TLL1: variants seen among roughly 807,000 people sequenced by gnomAD.
TLL1 encodes the protein tolloid-like protein 1.
In TLL1, 49 loss-of-function variants were observed where a neutral mutation model predicts 128.2. The ratio of observed to expected loss-of-function variants is 0.38; its 90% CI spans 0.30 to 0.48. The LOEUF (loss-of-function observed/expected upper bound fraction) is 0.48, where lower values mean the gene tolerates loss of function less well. TLL1 is among the 20% of genes least tolerant of loss of function. The pLI is 0.96. For synonymous variants in TLL1, 454 were observed against 418.8 expected, an observed-to-expected ratio of 1.08 and a Z score of -1.03; for missense variants, 1,123 against 1,242.0, an observed-to-expected ratio of 0.90 and a Z score of 1.44.
chr4:165,923,129 C>A (rs927703705), intron 1 of TLL1, among the ~76,000 whole-genome samples: 2 of 152,194 alleles, frequency 1.3e-5, no homozygotes, highest in South Asian at 4.1e-4. Context: ...CCAGGAACTT[C>A]TGCACATAAA....
intron 9 of TLL1, among the ~76,000 whole-genome samples, chr4:166,033,353 CAA>C: frequency 6.9e-6 from 1 of 145,628 alleles, no homozygotes; most frequent in East Asian, 1.9e-4. Context: ...TAAGGCAAAT[CAA>C]AAGTTAGTGG....
At chr4:166,056,576 A>G (rs1180953390) in intron 13 of TLL1, among the ~76,000 whole-genome samples, 1 of 152,128 alleles carries the variant, frequency 6.6e-6, no homozygotes, top group Admixed American at 6.6e-5. Context: ...GTTCACCACA[A>G]TCTATTTCTT....
chr4:165,970,848 A>G (rs1370435089), intron 1 of TLL1, among the ~76,000 whole-genome samples: 2 of 152,124 alleles, frequency 1.3e-5, no homozygotes, highest in East Asian at 3.9e-4. Context: ...GCAACTAATA[A>G]ATTGAGTCTT....
At chr4:165,973,983 G>A (rs969033799) in intron 1 of TLL1, among the ~76,000 whole-genome samples, 1 of 151,272 alleles carries the variant, frequency 6.6e-6, no homozygotes, top group Non-Finnish European at 1.5e-5. Context: ...GTTCTTAATA[G>A]GATCAGAGAA....
intron 1 of TLL1, among the ~76,000 whole-genome samples, chr4:165,894,824 A>G (rs1172809944): frequency 6.7e-6 from 1 of 149,492 alleles, no homozygotes; most frequent in East Asian, 2.0e-4. Context: ...TAGGAATGCT[A>G]GATTTTGTCA....
chr4:165,891,322 C>T (rs1165143686), intron 1 of TLL1, among the ~76,000 whole-genome samples: 1 of 152,146 alleles, frequency 6.6e-6, no homozygotes, highest in Admixed American at 6.5e-5. Context: ...GGATGAATTT[C>T]TCCTCAGAAA....
intron 1 of TLL1, among the ~76,000 whole-genome samples, chr4:165,969,969 A>G (rs1735561234): frequency 6.6e-6 from 1 of 152,126 alleles, no homozygotes; most frequent in South Asian, 2.1e-4. Flanking sequence ...AGAAATTTGT[A>G]GTTCCTACAC....
intron 5 of TLL1, among the ~76,000 whole-genome samples, chr4:165,998,037 C>T (rs1415584015): frequency 6.6e-6 from 1 of 152,158 alleles, no homozygotes; most frequent in Non-Finnish European, 1.5e-5. Context: ...TTCTCAGCTA[C>T]TTATCCTTAT....
At chr4:166,001,902 C>T (rs1260198815) in intron 5 of TLL1, among the ~76,000 whole-genome samples, 1 of 151,834 alleles carries the variant, frequency 6.6e-6, no homozygotes, top group African/African-American at 2.4e-5. Flanking sequence ...TTTGACAGTC[C>T]AGGAGATTCT....
intron 1 of TLL1, among the ~76,000 whole-genome samples, chr4:165,885,873 C>T (rs2110820633): frequency 6.6e-6 from 1 of 152,224 alleles, no homozygotes; most frequent in Middle Eastern, 3.4e-3. Flanking sequence ...AAGTACATGA[C>T]ATGTTAACAG....
chr4:165,905,232 A>T (rs1249898536), intron 1 of TLL1, among the ~76,000 whole-genome samples: 1 of 152,256 alleles, frequency 6.6e-6, no homozygotes, highest in Non-Finnish European at 1.5e-5. Flanking sequence ...AAATGAAAGC[A>T]TATGTCCCTA....
intron 12 of TLL1, among the ~76,000 whole-genome samples, chr4:166,046,699 G>T (rs1739472107): frequency 6.6e-6 from 1 of 152,146 alleles, no homozygotes; most frequent in African/African-American, 2.4e-5. Context: ...CATGTATGGT[G>T]TATATATAGG....
At chr4:165,902,949 A>G (rs909852056) in intron 1 of TLL1, among the ~76,000 whole-genome samples, 3 of 152,238 alleles carry the variant, frequency 2.0e-5, no homozygotes, top group African/African-American at 7.2e-5. Flanking sequence ...TTAAGATACC[A>G]ACAACACTGT....
intron 1 of TLL1, among the ~76,000 whole-genome samples, chr4:165,943,695 A>G (rs1055624824): frequency 7.9e-5 from 12 of 152,074 alleles, no homozygotes; most frequent in African/African-American, 2.9e-4. Context: ...TACTGACCTC[A>G]TCACTTAAAG....
chr4:165,953,460 A>T (rs1734624246), intron 1 of TLL1, among the ~76,000 whole-genome samples: 1 of 151,448 alleles, frequency 6.6e-6, no homozygotes, highest in South Asian at 2.1e-4. Context: ...CTCTTGACGG[A>T]GCATCTATTT....
chr4:165,991,891 G>T (rs781514940), intron 2 of TLL1, among the ~76,000 whole-genome samples: 3 of 151,910 alleles, frequency 2.0e-5, no homozygotes, highest in Non-Finnish European at 4.4e-5. Context: ...TGTATTGGTT[G>T]TTTGCTGAAT....
At chr4:165,967,131 G>A (rs765580026) in intron 1 of TLL1, among the ~76,000 whole-genome samples, 2 of 152,144 alleles carry the variant, frequency 1.3e-5, no homozygotes, top group Non-Finnish European at 2.9e-5. Context: ...TCTCCTATTC[G>A]CTTTTGTAAG....
chr4:165,962,003 C>T (rs1444267713), intron 1 of TLL1, among the ~76,000 whole-genome samples: 2 of 151,956 alleles, frequency 1.3e-5, no homozygotes, highest in Non-Finnish European at 2.9e-5. Context: ...AAGAAATGTT[C>T]TTCTTGACAT....
At chr4:166,099,013 A>G (rs1186680616) in intron 19 of TLL1, among the ~76,000 whole-genome samples, 1 of 152,106 alleles carries the variant, frequency 6.6e-6, no homozygotes, top group African/African-American at 2.4e-5. Context: ...CTTGAGAAAA[A>G]TATGGCTCAA....
Sources: allele counts gnomAD v4.1 joint callset (sites outside exome capture counted in the v4.1 genomes callset), GRCh38; gene constraint gnomAD v4.1.1; transcripts MANE v1.5; gene names NCBI Gene and HGNC (gene_info 2026-07-23, HGNC 2026-07-21).